SPAG16: variants seen among roughly 807,000 people sequenced by gnomAD.
The protein encoded by SPAG16 is sperm associated antigen 16.
SPAG16 carries 86 observed loss-of-function variants against 80.4 expected under a neutral mutation model. The ratio of observed to expected loss-of-function variants is 1.07; its 90% CI spans 0.90 to 1.28. SPAG16 has a LOEUF of 1.28. SPAG16 is among the 50% of genes most tolerant of loss of function. The pLI is 0.00. For missense variants in SPAG16, 870 were observed against 765.3 expected (o/e 1.14, Z -1.61); for synonymous variants, 294 against 265.9 (o/e 1.11, Z -1.03).
rs144977900 is a variant in SPAG16 at position 213,471,630 on chromosome 2, G to A, written c.943-18333G>A. ...GCTCTGATCAGCATCCCTATCTGCC[G>A]CTGTCACCTCAAGCACTATTGAATT... On this transcript the variant is annotated intron_variant, in intron 9 of 15. Transcript: ENST00000331683. Among the ~76,000 whole-genome samples, 650 of 152,256 alleles carry A rather than the reference G, an allele frequency of 4.3e-3. 4 individuals carry two copies. The highest frequency in any genetic ancestry group is 0.014 in the African/African-American group (597 of 41,558).
chr2:214,397,492 T>A (rs1036669469), intron 15 of SPAG16, among the ~76,000 whole-genome samples: 1 of 152,298 alleles, frequency 6.6e-6, no homozygotes, highest in African/African-American at 2.4e-5. Flanking sequence ...ATTGCTTGTC[T>A]TATAGGTGTT....
chr2:213,403,538 G>T (rs149382236), intron 9 of SPAG16, among the ~76,000 whole-genome samples: 33,433 of 151,958 alleles, frequency 0.22, 4,519 homozygotes, highest in Non-Finnish European at 0.31. Flanking sequence ...AATAAATTAG[G>T]TATTGATGGG....
chr2:213,357,449 G>T (rs1171808481), intron 7 of SPAG16, among the ~76,000 whole-genome samples: 1 of 152,102 alleles, frequency 6.6e-6, no homozygotes, highest in Non-Finnish European at 1.5e-5. Flanking sequence ...CTTGCTTTGG[G>T]TGCATATATA....
intron 10 of SPAG16, among the ~76,000 whole-genome samples, chr2:213,739,928 T>A (rs893374629): frequency 1.3e-5 from 2 of 152,134 alleles, no homozygotes; most frequent in African/African-American, 4.8e-5. Context: ...CTTTGAAAAA[T>A]TAAATATAAA....
At chr2:214,204,752 A>T (rs1270373086) in intron 15 of SPAG16, among the ~76,000 whole-genome samples, 1 of 152,174 alleles carries the variant, frequency 6.6e-6, no homozygotes, top group African/African-American at 2.4e-5. Flanking sequence ...AATTCTGGTA[A>T]TATGACAAAA....
chr2:213,903,540 G>A (rs1177393277), intron 11 of SPAG16, among the ~76,000 whole-genome samples: 1 of 152,136 alleles, frequency 6.6e-6, no homozygotes, highest in Non-Finnish European at 1.5e-5. Flanking sequence ...CAAACAGCAT[G>A]GGGACCCTGG....
intron 11 of SPAG16, among the ~76,000 whole-genome samples, chr2:213,907,462 C>T (rs980400580): frequency 1.5e-5 from 2 of 134,154 alleles, no homozygotes; most frequent in Non-Finnish European, 3.3e-5. Flanking sequence ...TGGAAAACAG[C>T]GTGGAGGTTT....
chr2:213,573,891 T>A (rs2060018560), intron 10 of SPAG16, among the ~76,000 whole-genome samples: 1 of 152,142 alleles, frequency 6.6e-6, no homozygotes, highest in South Asian at 2.1e-4. Context: ...CCTAAACCAG[T>A]GTGAATCAGA....
intron 10 of SPAG16, among the ~76,000 whole-genome samples, chr2:213,784,866 A>G (rs1023939938): frequency 6.6e-6 from 1 of 152,044 alleles, no homozygotes; most frequent in African/African-American, 2.4e-5. Flanking sequence ...GGTGCTATTT[A>G]TGATATCCAC....
chr2:213,523,917 T>C (rs2075783362), intron 10 of SPAG16, among the ~76,000 whole-genome samples: 1 of 152,074 alleles, frequency 6.6e-6, no homozygotes, highest in Admixed American at 6.6e-5. Context: ...GACAATGCAA[T>C]AGAAAAGAAA....
chr2:213,834,633 C>G (rs544337848), intron 10 of SPAG16, among the ~76,000 whole-genome samples: 17 of 151,974 alleles, frequency 1.1e-4, no homozygotes, highest in African/African-American at 3.6e-4. Context: ...TTCTATGATT[C>G]CCCTCAGGAG....
intron 12 of SPAG16, among the ~76,000 whole-genome samples, chr2:213,986,187 A>G (rs559566179): frequency 1.3e-5 from 2 of 152,082 alleles, no homozygotes; most frequent in East Asian, 3.9e-4. Context: ...TGAGGTAGAC[A>G]GTGAAAGTTG....
At chr2:213,362,220 A>G (rs947503026) in intron 7 of SPAG16, among the ~76,000 whole-genome samples, 2 of 152,250 alleles carry the variant, frequency 1.3e-5, no homozygotes, top group East Asian at 1.9e-4. Flanking sequence ...TTTGAGCAAC[A>G]AAATAATGTA....
chr2:214,188,490 A>G (rs1165217844), intron 15 of SPAG16, among the ~76,000 whole-genome samples: 1 of 152,186 alleles, frequency 6.6e-6, no homozygotes, highest in Non-Finnish European at 1.5e-5. Context: ...GAAATTCCAT[A>G]GTTTAGAATA....
At chr2:214,355,049 A>C (rs1351225765) in intron 15 of SPAG16, among the ~76,000 whole-genome samples, 1 of 152,116 alleles carries the variant, frequency 6.6e-6, no homozygotes, top group East Asian at 1.9e-4. Context: ...TAAATGTTAG[A>C]CCTAAAACCA....
intron 9 of SPAG16, among the ~76,000 whole-genome samples, chr2:213,474,237 T>C (rs989246822): frequency 2.1e-4 from 32 of 152,210 alleles, no homozygotes; most frequent in Non-Finnish European, 3.7e-4. Context: ...GGTAGACACC[T>C]GGAAAGGCTG....
At chr2:213,468,352 G>A (rs1486533641) in intron 9 of SPAG16, among the ~76,000 whole-genome samples, 1 of 146,050 alleles carries the variant, frequency 6.8e-6, no homozygotes, top group East Asian at 2.0e-4. Flanking sequence ...GAACTAATAG[G>A]AGATATATAT....
At chr2:213,560,232 G>A (rs1413865782) in intron 10 of SPAG16, among the ~76,000 whole-genome samples, 1 of 152,046 alleles carries the variant, frequency 6.6e-6, no homozygotes, top group Non-Finnish European at 1.5e-5. Flanking sequence ...GCATAATAAA[G>A]TATTTGGGAT....
At chr2:214,216,024 C>T (rs935912073) in intron 15 of SPAG16, among the ~76,000 whole-genome samples, 7 of 152,144 alleles carry the variant, frequency 4.6e-5, no homozygotes, top group African/African-American at 1.4e-4. Flanking sequence ...TGGTTGCAAA[C>T]AATTGCATGT....
Sources: allele counts gnomAD v4.1 joint callset (sites outside exome capture counted in the v4.1 genomes callset), GRCh38; gene constraint gnomAD v4.1.1; transcripts MANE v1.5; gene names NCBI Gene and HGNC (gene_info 2026-07-23, HGNC 2026-07-21).